The following PCDHGB3 variants were observed in gnomAD, a reference collection of about 807,000 sequenced individuals.
PCDHGB3 encodes the protein protocadherin gamma-B3.
In PCDHGB3, 40 loss-of-function variants were observed where a neutral mutation model predicts 59.2. The ratio of observed to expected loss-of-function variants is 0.68; its 90% CI spans 0.52 to 0.88. PCDHGB3 has a LOEUF of 0.88. Ranked by LOEUF, PCDHGB3 falls within the 40% of genes least tolerant of loss-of-function variation. PCDHGB3 has a pLI of 0.00. For missense variants in PCDHGB3, 1,309 were observed against 1,187.9 expected (o/e 1.10, Z -1.50); for synonymous variants, 581 against 503.6 (o/e 1.15, Z -2.06).
intron 1 of PCDHGB3, among the ~76,000 whole-genome samples, chr5:141,455,130 A>G (rs1446894125): frequency 6.6e-6 from 1 of 150,872 alleles, no homozygotes; most frequent in South Asian, 2.1e-4. Flanking sequence ...GTTTTAAATT[A>G]CACTGTGTTA....
intron 1 of PCDHGB3, chr5:141,419,383 C>A (rs1354675466): frequency 6.2e-7 from 1 of 1,613,698 alleles, no homozygotes; most frequent in South Asian, 1.1e-5. Context: ...TGTCCGTGAG[C>A]GCGCAGAGCG....
intron 2 of PCDHGB3, among the ~76,000 whole-genome samples, chr5:141,501,751 C>G (rs188896150): frequency 1.4e-3 from 218 of 152,250 alleles, no homozygotes; most frequent in South Asian, 3.1e-3. Flanking sequence ...ATAGGAAGCT[C>G]TCAGTAAATG....
intron 2 of PCDHGB3, among the ~76,000 whole-genome samples, chr5:141,500,187 TA>T (rs56304898): frequency 0.051 from 5,679 of 110,700 alleles, 126 homozygotes; most frequent in Middle Eastern, 0.14. Flanking sequence ...TTTTTATTTT[TA>T]TTTATTTATT....
At chr5:141,397,569 G>A (rs996927698) in intron 1 of PCDHGB3, among the ~76,000 whole-genome samples, 2 of 152,162 alleles carry the variant, frequency 1.3e-5, no homozygotes, top group Non-Finnish European at 2.9e-5. Context: ...CTGAGAGCAA[G>A]AACTGTATCA....
chr5:141,421,524 G>A (rs375937711), intron 1 of PCDHGB3: 25 of 1,613,940 alleles, frequency 1.5e-5, no homozygotes, highest in Admixed American at 5.0e-5. Context: ...TCTGTGAGAC[G>A]GTGTCCTCCT....
rs539905795 is a variant in PCDHGB3, at chr5:141,419,910, C to T, written c.2415+47101C>T. 1.5e-5 allele frequency: 25 copies of T among 1,614,086 alleles called. No individual in the cohort carries two copies. In the South Asian group the frequency reaches 2.4e-4, roughly 16 times the overall value. On this transcript the variant is annotated intron_variant, in intron 1 of 3. Coordinates refer to ENST00000576222, the MANE Select transcript of PCDHGB3 (RefSeq NM_018924.5). ...AGCGACCATCCCACACCCTCTGACT[C>T]CCAGGCTGAGATGCAGTTTTACCTG...
intron 1 of PCDHGB3, chr5:141,385,782 T>G (rs1169105462): frequency 6.2e-6 from 1 of 160,564 alleles, no homozygotes; most frequent in Non-Finnish European, 1.3e-5. Context: ...TCCATGTACC[T>G]CAGCTTGGTG....
At chr5:141,394,851 C>T in intron 1 of PCDHGB3, 1 of 1,613,824 alleles carries the variant, frequency 6.2e-7, no homozygotes, top group Non-Finnish European at 8.5e-7. Context: ...CAGTCTGAAG[C>T]CTTCGGTCGA....
chr5:141,492,050 C>CT, intron 1 of PCDHGB3: 1 of 501,102 alleles, frequency 2.0e-6, no homozygotes, highest in Non-Finnish European at 3.5e-6. Flanking sequence ...AGATCCACCC[C>CT]TGCAGCCAGC....
At chr5:141,426,052 G>T (rs2096912121) in intron 1 of PCDHGB3, among the ~76,000 whole-genome samples, 1 of 152,162 alleles carries the variant, frequency 6.6e-6, no homozygotes, top group South Asian at 2.1e-4. Flanking sequence ...TGGCCAATGT[G>T]CTGCAAGAAC....
intron 1 of PCDHGB3, among the ~76,000 whole-genome samples, chr5:141,472,147 G>T (rs2099272889): frequency 6.6e-6 from 1 of 152,112 alleles, no homozygotes; most frequent in South Asian, 2.1e-4. Flanking sequence ...AAAGTTTCAT[G>T]GTTACATAGC....
chr5:141,374,296 G>A, intron 1 of PCDHGB3: 3 of 1,613,974 alleles, frequency 1.9e-6, no homozygotes, highest in Non-Finnish European at 2.5e-6. Flanking sequence ...CCAGAGGTAG[G>A]ATGCAGCTTT....
intron 1 of PCDHGB3, chr5:141,400,076 T>A: frequency 6.2e-7 from 1 of 1,613,932 alleles, no homozygotes; most frequent in Non-Finnish European, 8.5e-7. Context: ...CAGCCGCCAC[T>A]CTCCGCCACC....
intron 1 of PCDHGB3, chr5:141,422,767 G>T: frequency 6.2e-7 from 1 of 1,613,786 alleles, no homozygotes; most frequent in Non-Finnish European, 8.5e-7. Context: ...CAACACTGGT[G>T]TTCTCTATGC....
At chr5:141,398,174 T>C (rs763077513) in intron 1 of PCDHGB3, 16 of 1,476,290 alleles carry the variant, frequency 1.1e-5, no homozygotes, top group African/African-American at 1.4e-5. Flanking sequence ...AGGCTGCCAG[T>C]GCTCTTTCTC....
chr5:141,393,268 A>C, intron 1 of PCDHGB3: 1 of 1,613,946 alleles, frequency 6.2e-7, no homozygotes, highest in South Asian at 1.1e-5. Flanking sequence ...GGAGCACGTT[A>C]TCCACTCCCA....
Position 141,496,029 on chromosome 5 carries a change from C to T in PCDHGB3, c.2474+1164C>T, listed in dbSNP as rs548231443. ...TTGTCTTTTTTCTCTGAGCCTCTGTCTCTGTCTCTCATTTTTTTGTGCTTG... is the reference window on the plus strand; with the variant it reads ...TTGTCTTTTTTCTCTGAGCCTCTGTTTCTGTCTCTCATTTTTTTGTGCTTG... On this transcript the variant is annotated intron_variant, in intron 2 of 3. Coordinates refer to ENST00000576222, the MANE Select transcript of PCDHGB3 (RefSeq NM_018924.5). Among the ~76,000 whole-genome samples, 3 of 152,088 alleles carry T rather than the reference C, an allele frequency of 2.0e-5. No individual in the cohort carries two copies. In the East Asian group the frequency reaches 5.8e-4, roughly 29 times the overall value.
chr5:141,466,984 C>A (rs2099133455), intron 1 of PCDHGB3, among the ~76,000 whole-genome samples: 1 of 151,586 alleles, frequency 6.6e-6, no homozygotes, highest in Non-Finnish European at 1.5e-5. Context: ...CATCATTTAC[C>A]TTTTGGCATT....
intron 1 of PCDHGB3, among the ~76,000 whole-genome samples, chr5:141,443,873 T>A (rs1250320938): frequency 6.6e-6 from 1 of 152,100 alleles, no homozygotes; most frequent in Non-Finnish European, 1.5e-5. Context: ...AAATTACTGA[T>A]AAGTCAAGAG....
Sources: allele counts gnomAD v4.1 joint callset (sites outside exome capture counted in the v4.1 genomes callset), GRCh38; gene constraint gnomAD v4.1.1; transcripts MANE v1.5; gene names NCBI Gene and HGNC (gene_info 2026-07-23, HGNC 2026-07-21).